SIDT1: variants seen among roughly 807,000 people sequenced by gnomAD.
The protein encoded by SIDT1 is SID1 transmembrane family, member 1.
SIDT1 carries 101 observed loss-of-function variants against 107.5 expected under a neutral mutation model. That is an observed-to-expected ratio of 0.94 (90% CI 0.80 to 1.11). The LOEUF (loss-of-function observed/expected upper bound fraction) is 1.11, where lower values mean the gene tolerates loss of function less well. Among genes scored for constraint, SIDT1 ranks in the 50% least tolerant of loss-of-function variants. The pLI is 0.00. For synonymous variants in SIDT1, 395 were observed against 398.2 expected (o/e 0.99, Z 0.10); for missense variants, 1,076 against 1,058.2 (o/e 1.02, Z -0.23).
intron 2 of SIDT1, among the ~76,000 whole-genome samples, chr3:113,566,916 A>T (rs1157122556): frequency 6.6e-6 from 1 of 152,216 alleles, no homozygotes; most frequent in Non-Finnish European, 1.5e-5. Flanking sequence ...TGCATTCTTC[A>T]TTCAATAATA....
At chr3:113,567,397 T>C (rs758199886) in intron 2 of SIDT1, 143 bp from the exon 3 acceptor site, 15 of 639,204 alleles carry the variant, frequency 2.3e-5, no homozygotes, top group Non-Finnish European at 4.1e-5. Flanking sequence ...TTACTATTGA[T>C]AGTTCCAGTC....
chr3:113,623,182 C>T (rs1353598430), intron 21 of SIDT1, among the ~76,000 whole-genome samples: 1 of 96,374 alleles, frequency 1.0e-5, no homozygotes, highest in Admixed American at 1.6e-4. Flanking sequence ...GGGAATGAGA[C>T]CCCAACTCTT....
At chr3:113,610,665 A>C (rs756342643) in intron 17 of SIDT1, among the ~76,000 whole-genome samples, 3 of 152,158 alleles carry the variant, frequency 2.0e-5, no homozygotes, top group Non-Finnish European at 4.4e-5. Flanking sequence ...CTTTTGTTAT[A>C]ATTGTTGAAC....
Position 113,626,264 on chromosome 3 carries a change from G to GTAC in SIDT1, c.2421+51_2421+53dup, listed in dbSNP as rs778991494. ...TGACTTTCTTCTCTCTTTACATCTTGTACTCTCTTTTTCTTCTGCTCTTCC... is the reference window on the plus strand; with the variant it reads ...TGACTTTCTTCTCTCTTTACATCTTGTACTACTCTCTTTTTCTTCTGCTCTTCC... On this transcript the variant is annotated intron_variant, in intron 24 of 24. Transcript: ENST00000264852. 30 of 1,259,108 alleles carry GTAC rather than the reference G, an allele frequency of 2.4e-5. No individual in the cohort carries two copies. In the Admixed American group the frequency reaches 5.2e-4, roughly 22 times the overall value. The allele number at this position is 1,259,108 out of a possible 1,614,324, so 78.0% of individuals were successfully genotyped here.
chr3:113,578,760 CAGAAGGATCACT>C (rs1391292578), intron 4 of SIDT1, among the ~76,000 whole-genome samples: 1 of 152,046 alleles, frequency 6.6e-6, no homozygotes, highest in Non-Finnish European at 1.5e-5. Flanking sequence ...GAGGCTGAGG[CAGAAGGATCACT>C]TGAGCCCAGG....
intron 3 of SIDT1, among the ~76,000 whole-genome samples, chr3:113,568,543 G>A (rs966329789): frequency 2.0e-5 from 3 of 150,120 alleles, no homozygotes; most frequent in Admixed American, 6.6e-5. Context: ...GCAGTGAGCC[G>A]AGATCGCGCC....
At chr3:113,624,201 T>G (rs1382281314) in intron 23 of SIDT1, among the ~76,000 whole-genome samples, 1 of 152,164 alleles carries the variant, frequency 6.6e-6, no homozygotes, top group Non-Finnish European at 1.5e-5. Context: ...CACAATAGAT[T>G]TTAGAACATT....
chr3:113,556,009 A>T (rs1199574291), intron 1 of SIDT1, among the ~76,000 whole-genome samples: 6 of 152,128 alleles, frequency 3.9e-5, no homozygotes, highest in African/African-American at 1.4e-4. Flanking sequence ...CAAAACACAG[A>T]CCCACATCAT....
At chr3:113,555,902 C>A (rs1044634886) in intron 1 of SIDT1, among the ~76,000 whole-genome samples, 2 of 149,150 alleles carry the variant, frequency 1.3e-5, no homozygotes, top group African/African-American at 5.0e-5. Context: ...TGTGTCTCCA[C>A]ACACAGGAAA....
intron 3 of SIDT1, among the ~76,000 whole-genome samples, chr3:113,568,823 C>T (rs1942175178): frequency 6.6e-6 from 1 of 151,956 alleles, no homozygotes; most frequent in Non-Finnish European, 1.5e-5. Context: ...AACATGGATA[C>T]ATCTCACAAT....
chr3:113,533,542 G>T (rs1937721570), intron 1 of SIDT1, among the ~76,000 whole-genome samples: 1 of 152,190 alleles, frequency 6.6e-6, no homozygotes, highest in Non-Finnish European at 1.5e-5. Flanking sequence ...CTTTCTCCAG[G>T]AAAGTCCTGA....
chr3:113,601,864 G>A (rs1944982235), intron 11 of SIDT1: 1 of 498,204 alleles, frequency 2.0e-6, no homozygotes, highest in Non-Finnish European at 3.5e-6. Context: ...TCTGTTTCTT[G>A]GATCTGCTAG....
chr3:113,574,393 T>A (rs985516539), intron 3 of SIDT1, among the ~76,000 whole-genome samples: 5 of 152,140 alleles, frequency 3.3e-5, no homozygotes, highest in Admixed American at 3.3e-4. Flanking sequence ...TTCAAGTGAA[T>A]AATAGGATAT....
At chr3:113,584,885 T>C in intron 8 of SIDT1, 116 bp downstream of exon 8, 1 of 786,914 alleles carries the variant, frequency 1.3e-6, no homozygotes, top group African/African-American at 1.8e-5. Context: ...CTAAAGTATA[T>C]TTACCTTAGA....
intron 1 of SIDT1, among the ~76,000 whole-genome samples, chr3:113,554,254 C>G (rs1392154491): frequency 6.6e-6 from 1 of 152,148 alleles, no homozygotes; most frequent in East Asian, 1.9e-4. Flanking sequence ...TTAGGATAGT[C>G]TCACGATTTA....
downstream of SIDT1, among the ~76,000 whole-genome samples, chr3:113,631,698 C>T (rs1947096354): frequency 6.6e-6 from 1 of 152,150 alleles, no homozygotes; most frequent in Non-Finnish European, 1.5e-5. Context: ...TTCTAGAACA[C>T]CAGAGCAAGA....
Position 113,581,398 on chromosome 3 carries a change from A to G in SIDT1, c.701A>G (p.Asn234Ser), listed in dbSNP as rs373005706. 5.6e-6 allele frequency: 9 copies of G among 1,614,014 alleles called. No homozygotes were observed. Among genetic ancestry groups the G allele is most frequent in the Admixed American group, 3.3e-5 (2 of 60,006 alleles). The change falls in exon 6 of 25, where the codon AAT becomes AGT. Residue 234 changes from asparagine (N) to serine (S), a missense_variant. Asn to Ser is a conservative substitution (Grantham distance 46). Coordinates refer to ENST00000264852, the MANE Select transcript of SIDT1 (RefSeq NM_017699.3). ...VYDLDHNVEF[N>S]GVYQSMTKKA... The stretch of plus-strand genomic sequence containing the variant: ...GATCTCGACCACAATGTGGAATTTA[A>G]TGGTGTCTATCAGTCCATGACCAAG...
rs746653558 is a variant in SIDT1 at position 113,626,079 on chromosome 3, T to C, written c.2308-23T>C. On this transcript the variant is annotated intron_variant, in intron 23 of 24. Coordinates refer to ENST00000264852, the MANE Select transcript of SIDT1 (RefSeq NM_017699.3). ...AGTTGAACTGTGGGAATCTTGCCCA[T>C]GTCCTGCCTCACCTTCCTCCAGGGA... 3.3e-6 allele frequency: 5 copies of C among 1,530,050 alleles called. No individual in the cohort carries two copies. In the South Asian group the frequency reaches 5.6e-5, roughly 17 times the overall value. The allele number at this position is 1,530,050 out of a possible 1,614,324, so 94.8% of individuals were successfully genotyped here.
chr3:113,614,965 T>C, intron 19 of SIDT1: 2 of 1,306,344 alleles, frequency 1.5e-6, no homozygotes, highest in Non-Finnish European at 2.1e-6. Context: ...TCATCCATCT[T>C]GAGAAAAAAT....
Sources: allele counts gnomAD v4.1 joint callset (sites outside exome capture counted in the v4.1 genomes callset), GRCh38; gene constraint gnomAD v4.1.1; transcripts MANE v1.5; gene names NCBI Gene and HGNC (gene_info 2026-07-23, HGNC 2026-07-21).